Variants in LRRC37A observed in about 807,000 individuals in gnomAD.
LRRC37A encodes the protein leucine rich repeat containing 37A.
In LRRC37A, 3 loss-of-function variants were observed where a neutral mutation model predicts 35.4. The ratio of observed to expected loss-of-function variants is 0.08; its 90% CI spans 0.04 to 0.22. The LOEUF is 0.22. Ranked by LOEUF, LRRC37A falls within the 10% of genes least tolerant of loss-of-function variation. LRRC37A has a pLI of 1.00. For missense variants in LRRC37A, 67 were observed against 565.3 expected (o/e 0.12, Z 8.94); for synonymous variants, 23 against 215.0 (o/e 0.11, Z 7.81).
At chr17:46,298,751 G>A (rs1285750835) in intron 1 of LRRC37A, among the ~76,000 whole-genome samples, 1 of 97,986 alleles carries the variant, frequency 1.0e-5, no homozygotes, top group Non-Finnish European at 2.0e-5. Context: ...AAAAATGATA[G>A]GAGGGAAGAA....
At position 46,330,878 on chromosome 17, in the gene LRRC37A, G is replaced by A. The variant is rs754549422; in HGVS notation, c.3601G>A (p.Ala1201Thr). 29 of 723,258 alleles carry A rather than the reference G, an allele frequency of 4.0e-5. 10 individuals carry two copies. In the Admixed American group the frequency reaches 8.5e-4, roughly 21 times the overall value. The allele number at this position is 723,258 out of a possible 1,614,324, so 44.8% of individuals were successfully genotyped here. Residue 1201 changes from alanine (A) to threonine (T), a missense_variant, in exon 9 of 14, where the codon GCC (alanine) becomes ACC (threonine). Coordinates refer to ENST00000320254, the Ensembl canonical transcript of LRRC37A. ...TGCCCAGGCATCTGTGGAGAACGCT[G>A]CCGAAGAAAAAAGGCTCACGAGTCC...
At chr17:46,280,409 C>T in the LRRC37A span, among the ~76,000 whole-genome samples, 1 of 152,126 alleles carries the variant, frequency 6.6e-6, no homozygotes, top group African/African-American at 2.4e-5. Flanking sequence ...TGCAGTGGCT[C>T]ACGGCTGTAA....
At chr17:46,278,591 A>T in the LRRC37A span, among the ~76,000 whole-genome samples, 2 of 151,176 alleles carry the variant, frequency 1.3e-5, no homozygotes, top group African/African-American at 4.9e-5. Flanking sequence ...TTTAGTAGAG[A>T]TGAGGTTTCA....
chr17:46,272,006 C>T, the LRRC37A span, among the ~76,000 whole-genome samples: 3 of 152,048 alleles, frequency 2.0e-5, no homozygotes, highest in Non-Finnish European at 4.4e-5. Context: ...GTGATCTGCC[C>T]GCTTCAGCCT....
the LRRC37A span, among the ~76,000 whole-genome samples, chr17:46,279,504 T>C: frequency 7.7e-4 from 85 of 110,230 alleles, no homozygotes; most frequent in African/African-American, 2.0e-3. Flanking sequence ...TTCTTTCTTT[T>C]TTTTTTTTTT....
chr17:46,267,893 C>CTTTTTTT, the LRRC37A span, among the ~76,000 whole-genome samples: 5 of 89,276 alleles, frequency 5.6e-5, no homozygotes, highest in African/African-American at 2.4e-4. Context: ...ACTCCCACAT[C>CTTTTTTT]TTTTTTTTTT....
At chr17:46,268,850 G>C in the LRRC37A span, among the ~76,000 whole-genome samples, 2 of 152,224 alleles carry the variant, frequency 1.3e-5, no homozygotes, top group Non-Finnish European at 2.9e-5. Flanking sequence ...GTGTCACTTT[G>C]TTATTTACAA....
the LRRC37A span, among the ~76,000 whole-genome samples, chr17:46,250,639 T>C: frequency 1.3e-5 from 2 of 152,234 alleles, no homozygotes; most frequent in Admixed American, 1.3e-4. Flanking sequence ...CTCTCCTTGC[T>C]CCTCAGCCTG....
At chr17:46,253,123 G>A in the LRRC37A span, among the ~76,000 whole-genome samples, 1 of 148,436 alleles carries the variant, frequency 6.7e-6, no homozygotes, top group African/African-American at 2.4e-5. Flanking sequence ...GGGCGGCCGG[G>A]CAGAGACGCT....
At chr17:46,268,170 C>G in the LRRC37A span, among the ~76,000 whole-genome samples, 54 of 152,166 alleles carry the variant, frequency 3.5e-4, no homozygotes, top group African/African-American at 1.1e-3. Flanking sequence ...TTTCCCTTCC[C>G]CACACCCCGT....
At chr17:46,284,683 T>TA in the LRRC37A span, among the ~76,000 whole-genome samples, 21,265 of 151,154 alleles carry the variant, frequency 0.14, 1,879 homozygotes, top group Non-Finnish European at 0.21. Context: ...ACTGCTTCTG[T>TA]AACAGGTGGG....
the LRRC37A span, among the ~76,000 whole-genome samples, chr17:46,280,026 C>A: frequency 0.1 from 15,283 of 146,158 alleles, 2 homozygotes; most frequent in Middle Eastern, 0.18. Flanking sequence ...CACCTTGAGT[C>A]AGAGTAATTC....
At chr17:46,289,185 T>C (rs1032993327), upstream of LRRC37A, among the ~76,000 whole-genome samples, 3 of 152,104 alleles carry the variant, frequency 2.0e-5, no homozygotes, top group Non-Finnish European at 1.5e-5. Flanking sequence ...ACCAAGAGGG[T>C]TTCTTTCTTA....
chr17:46,252,573 C>T, the LRRC37A span, among the ~76,000 whole-genome samples: 2 of 149,142 alleles, frequency 1.3e-5, no homozygotes, highest in South Asian at 2.1e-4. Flanking sequence ...GTGGTGATGA[C>T]TCTTAAGGAG....
the LRRC37A span, among the ~76,000 whole-genome samples, chr17:46,281,642 T>C: frequency 6.6e-6 from 1 of 152,106 alleles, no homozygotes; most frequent in African/African-American, 2.4e-5. Context: ...GTTGGTAAGG[T>C]TGGGAATTTT....
the LRRC37A span, chr17:46,268,624 G>A: frequency 6.4e-7 from 1 of 1,556,918 alleles, no homozygotes; most frequent in Non-Finnish European, 8.7e-7. Flanking sequence ...AGCAGCAGCA[G>A]CTATGTGAAA....
At chr17:46,331,177 T>A (rs1264326689) in exon 9 of LRRC37A, 1 of 737,530 alleles carries the variant, frequency 1.4e-6, no homozygotes, top group East Asian at 2.6e-5. Flanking sequence ...CAATCGTACA[T>A]GCCAGAAAAA....
the LRRC37A span, among the ~76,000 whole-genome samples, chr17:46,271,414 T>G: frequency 6.8e-6 from 1 of 146,400 alleles, no homozygotes; most frequent in East Asian, 2.2e-4. Context: ...ACTCCCAACC[T>G]CAGGTGATCC....
upstream of LRRC37A, among the ~76,000 whole-genome samples, chr17:46,289,855 C>T (rs1167005238): frequency 1.3e-5 from 2 of 152,190 alleles, no homozygotes; most frequent in Admixed American, 1.3e-4. Flanking sequence ...CACACTGGCT[C>T]ACACCTGTAA....
Sources: gnomAD v4.1 joint callset for allele counts (sites outside exome capture counted in the v4.1 genomes callset) on GRCh38, gnomAD v4.1.1 for gene constraint, MANE v1.5 for transcripts, NCBI Gene and HGNC (gene_info 2026-07-23, HGNC 2026-07-21) for gene names.